Variants in CLDN10 observed in about 807,000 individuals in gnomAD.
CLDN10 encodes the protein claudin-10.
Under a neutral mutation model 22.9 loss-of-function variants are expected in CLDN10, and 15 were observed. The observed-to-expected ratio is 0.65, with a 90% CI of 0.44 to 1.01. The LOEUF is 1.01. Ranked by LOEUF, CLDN10 falls within the 50% of genes least tolerant of loss-of-function variation. The probability of loss-of-function intolerance (pLI) is 0.00; values close to 1 mark genes in which losing one functional copy is unlikely to be tolerated. For missense variants in CLDN10, 247 were observed against 287.8 expected (o/e 0.86, Z 1.03); for synonymous variants, 114 against 111.4 (o/e 1.02, Z -0.15).
At chr13:95,440,296 A>G in intron 1 of CLDN10, among the ~76,000 whole-genome samples, 1 of 152,254 alleles carries the variant, frequency 6.6e-6, no homozygotes, top group Admixed American at 6.5e-5. Flanking sequence ...GCTTTCTGAA[A>G]CTAAGTTTCA....
At chr13:95,508,453 A>C (rs75495190) in intron 1 of CLDN10, among the ~76,000 whole-genome samples, 3,069 of 152,362 alleles carry the variant, frequency 0.02, 54 homozygotes, top group Middle Eastern at 0.041. Context: ...TGTATTCTCA[A>C]GCTAACTATC....
At chr13:95,479,981 A>G (rs2042726720) in intron 1 of CLDN10, 1 of 152,274 alleles carries the variant, frequency 6.6e-6, no homozygotes, top group Non-Finnish European at 1.5e-5. Context: ...GACATACCCA[A>G]GACTGGGGAA....
chr13:95,498,685 G>A (rs552000535), intron 1 of CLDN10, among the ~76,000 whole-genome samples: 45 of 152,268 alleles, frequency 3.0e-4, no homozygotes, highest in Admixed American at 1.8e-3. Context: ...ATGAGCCATC[G>A]TGCCCAGCCT....
At chr13:95,500,130 G>A (rs1442789699) in intron 1 of CLDN10, among the ~76,000 whole-genome samples, 1 of 152,160 alleles carries the variant, frequency 6.6e-6, no homozygotes, top group East Asian at 1.9e-4. Flanking sequence ...GCCAGGCACT[G>A]TTCTAAAATT....
intron 1 of CLDN10, among the ~76,000 whole-genome samples, chr13:95,557,567 C>T (rs2043654906): frequency 6.6e-6 from 1 of 152,138 alleles, no homozygotes; most frequent in African/African-American, 2.4e-5. Context: ...TTGTAAATTG[C>T]CTTCTTTGTG....
chr13:95,544,193 G>A (rs2043485972), intron 1 of CLDN10, among the ~76,000 whole-genome samples: 1 of 152,076 alleles, frequency 6.6e-6, no homozygotes, highest in Non-Finnish European at 1.5e-5. Context: ...TGTATTATTT[G>A]CTTTTCTCCT....
At chr13:95,439,926 T>G (rs930029508) in intron 1 of CLDN10, among the ~76,000 whole-genome samples, 13 of 152,058 alleles carry the variant, frequency 8.5e-5, no homozygotes, top group Middle Eastern at 3.4e-3. Flanking sequence ...ACCCTTTTTT[T>G]TTTTTGAGAC....
Position 95,578,203 on chromosome 13 carries a change from G to A in CLDN10, c.*189G>A. The A allele has an allele frequency of 2.5e-6, 1 of 392,640 alleles. No individual in the cohort carries two copies. The highest frequency in any genetic ancestry group is 4.5e-6 in the Non-Finnish European group (1 of 220,260). 24.3% of individuals were successfully genotyped at this position (392,640 alleles called of 1,614,324 possible). ...TTATATACTAATCATTTTCTGTTGT[G>A]GCTTTCTATAAAAAATAAACAGTTT... On this transcript the variant is annotated 3_prime_UTR_variant, in exon 5 of 5. Coordinates refer to ENST00000299339, the MANE Select transcript of CLDN10 (RefSeq NM_006984.5).
chr13:95,544,403 A>G (rs1336808634), intron 1 of CLDN10, among the ~76,000 whole-genome samples: 2 of 152,206 alleles, frequency 1.3e-5, no homozygotes, highest in Non-Finnish European at 2.9e-5. Flanking sequence ...GAGGCAGCTG[A>G]CATAGGGCAT....
At chr13:95,573,717 TTG>T (rs34469647) in intron 3 of CLDN10, among the ~76,000 whole-genome samples, 125,728 of 148,944 alleles carry the variant, frequency 0.84, 53,184 homozygotes, top group Non-Finnish European at 0.89. Context: ...TTATTTTTAT[TTG>T]TGTGTGTGTG....
chr13:95,573,882 C>G (rs183831488), intron 3 of CLDN10, among the ~76,000 whole-genome samples: 188 of 151,694 alleles, frequency 1.2e-3, no homozygotes, highest in African/African-American at 3.2e-3. Context: ...CTCCTCCCCC[C>G]ACAACAGGCC....
chr13:95,448,719 G>GTATTTTATTTTATTT (rs59288111), intron 1 of CLDN10, among the ~76,000 whole-genome samples: 8,916 of 144,152 alleles, frequency 0.062, 400 homozygotes, highest in East Asian at 0.098. Flanking sequence ...CTAAGCCATA[G>GTATTTTATTTTATTT]TATTTTATTT....
chr13:95,461,812 T>G (rs1452911026), intron 1 of CLDN10, among the ~76,000 whole-genome samples: 1 of 152,128 alleles, frequency 6.6e-6, no homozygotes, highest in African/African-American at 2.4e-5. Context: ...AAACACTTGA[T>G]CATGCACAGT....
At chr13:95,493,188 C>A (rs980408510) in intron 1 of CLDN10, among the ~76,000 whole-genome samples, 3 of 152,082 alleles carry the variant, frequency 2.0e-5, no homozygotes, top group African/African-American at 7.2e-5. Context: ...CCACCCCTGC[C>A]GCTACCGCCA....
At chr13:95,526,972 T>G (rs1296710874) in intron 1 of CLDN10, among the ~76,000 whole-genome samples, 1 of 152,160 alleles carries the variant, frequency 6.6e-6, no homozygotes, top group Non-Finnish European at 1.5e-5. Context: ...GAGAGTATAC[T>G]TCCAGCTTTC....
At chr13:95,460,185 C>A (rs2042521315) in intron 1 of CLDN10, among the ~76,000 whole-genome samples, 1 of 152,196 alleles carries the variant, frequency 6.6e-6, no homozygotes, top group Non-Finnish European at 1.5e-5. Context: ...TGGTCAAAGT[C>A]ATTCAACAAG....
intron 1 of CLDN10, among the ~76,000 whole-genome samples, chr13:95,523,594 T>G (rs566136611): frequency 2.8e-4 from 35 of 123,770 alleles, no homozygotes; most frequent in African/African-American, 9.2e-4. Flanking sequence ...TCTGCAAATA[T>G]TTTTTCATTT....
At chr13:95,440,586 G>T (rs2042315308) in intron 1 of CLDN10, among the ~76,000 whole-genome samples, 2 of 152,212 alleles carry the variant, frequency 1.3e-5, no homozygotes, top group Non-Finnish European at 2.9e-5. Context: ...TGAGGTGAGA[G>T]GATTGCTTCA....
At chr13:95,488,573 T>G (rs2042831988) in intron 1 of CLDN10, among the ~76,000 whole-genome samples, 2 of 152,130 alleles carry the variant, frequency 1.3e-5, no homozygotes, top group Non-Finnish European at 2.9e-5. Context: ...TGCCTTTGCA[T>G]CCTCATAGCT....
Sources: gnomAD v4.1 joint callset for allele counts (sites outside exome capture counted in the v4.1 genomes callset) on GRCh38, gnomAD v4.1.1 for gene constraint, MANE v1.5 for transcripts, NCBI Gene and HGNC (gene_info 2026-07-23, HGNC 2026-07-21) for gene names.